CDKAL1: variants seen among roughly 807,000 people sequenced by gnomAD.
The protein encoded by CDKAL1 is CDKAL1 threonylcarbamoyladenosine tRNA methylthiotransferase, also known as threonylcarbamoyladenosine tRNA methylthiotransferase.
In CDKAL1, 32 loss-of-function variants were observed where a neutral mutation model predicts 68.2. The ratio of observed to expected loss-of-function variants is 0.47; its 90% CI spans 0.35 to 0.63. CDKAL1 has a LOEUF of 0.63. Ranked by LOEUF, CDKAL1 falls within the 30% of genes least tolerant of loss-of-function variation. CDKAL1 has a pLI of 0.00. For missense variants in CDKAL1, 606 were observed against 696.7 expected (o/e 0.87, Z 1.47); for synonymous variants, 234 against 244.3 (o/e 0.96, Z 0.39).
At chr6:20,627,241 T>C (rs1442811999) in intron 4 of CDKAL1, among the ~76,000 whole-genome samples, 2 of 152,098 alleles carry the variant, frequency 1.3e-5, no homozygotes, top group African/African-American at 4.8e-5. Context: ...AAGACAAATA[T>C]ATACTTCCAG....
chr6:20,730,823 T>G (rs1581464660), intron 5 of CDKAL1, among the ~76,000 whole-genome samples: 1 of 120,450 alleles, frequency 8.3e-6, no homozygotes, highest in Non-Finnish European at 1.7e-5. Flanking sequence ...CAGCTGGGGC[T>G]AAGAAGCAAG....
chr6:21,205,889 C>T (rs1420992801), intron 15 of CDKAL1, among the ~76,000 whole-genome samples: 4 of 127,798 alleles, frequency 3.1e-5, no homozygotes, highest in South Asian at 2.6e-4. Context: ...GGCTGGAGTG[C>T]AGTGGCGCGA....
intron 5 of CDKAL1, among the ~76,000 whole-genome samples, chr6:20,682,199 G>C (rs1185862569): frequency 6.6e-6 from 1 of 152,152 alleles, no homozygotes; most frequent in Non-Finnish European, 1.5e-5. Context: ...TCTCCCTCAA[G>C]AAACCCTGGT....
intron 9 of CDKAL1, 67 bp downstream of exon 9, chr6:20,846,245 T>C: frequency 1.1e-6 from 1 of 940,062 alleles, no homozygotes; most frequent in Non-Finnish European, 1.6e-6. Context: ...TTCTAAGTAA[T>C]ACTTCAGTTT....
At chr6:20,966,384 A>G (rs1016524491) in intron 10 of CDKAL1, among the ~76,000 whole-genome samples, 1 of 152,336 alleles carries the variant, frequency 6.6e-6, no homozygotes, top group Non-Finnish European at 1.5e-5. Context: ...GATTATTGTT[A>G]TTATAGACTC....
chr6:21,020,338 A>G (rs890951935), intron 11 of CDKAL1, among the ~76,000 whole-genome samples: 9 of 152,162 alleles, frequency 5.9e-5, no homozygotes, highest in African/African-American at 1.9e-4. Flanking sequence ...AGACAGAAAT[A>G]TATGTTGGTT....
intron 12 of CDKAL1, among the ~76,000 whole-genome samples, chr6:21,106,434 G>T (rs2150989138): frequency 2.0e-5 from 3 of 152,264 alleles, no homozygotes; most frequent in Admixed American, 2.0e-4. Context: ...AAAAATAACA[G>T]CCAGGCTTGG....
Position 21,203,434 on chromosome 6 carries a change from C to T in CDKAL1, c.1548+2160C>T, listed in dbSNP as rs555217865. ...TATTTTTAGTAGAGACAGGGTTTCA[C>T]CATGTCGGCCAGGCTGGTCTCGAAC... is the stretch of plus-strand genomic sequence containing the variant. On this transcript the variant is annotated intron_variant, in intron 15 of 15. Transcript: ENST00000274695. Among the ~76,000 whole-genome samples the T allele has an allele frequency of 4.3e-4, 65 of 151,158 alleles. 1 individual carries two copies. Among genetic ancestry groups the T allele is most frequent in the African/African-American group, 1.4e-3 (59 of 41,242 alleles).
chr6:21,170,941 A>G (rs1777357340), intron 13 of CDKAL1, among the ~76,000 whole-genome samples: 1 of 152,196 alleles, frequency 6.6e-6, no homozygotes, highest in Non-Finnish European at 1.5e-5. Flanking sequence ...TGAAAAGTTG[A>G]AGTAATATTG....
chr6:21,205,882 T>TGC (rs1778908751), intron 15 of CDKAL1, among the ~76,000 whole-genome samples: 1 of 131,816 alleles, frequency 7.6e-6, no homozygotes, highest in Admixed American at 8.5e-5. Context: ...TCGCCCAGGC[T>TGC]GGAGTGCAGT....
chr6:20,874,730 G>A (rs191743838), intron 9 of CDKAL1, among the ~76,000 whole-genome samples: 6 of 151,770 alleles, frequency 4.0e-5, no homozygotes, highest in Admixed American at 2.0e-4. Context: ...CTCGAACTCC[G>A]GGCATCAAGT....
chr6:20,784,174 C>A (rs2150379733), intron 8 of CDKAL1, among the ~76,000 whole-genome samples: 1 of 149,694 alleles, frequency 6.7e-6, no homozygotes, highest in South Asian at 2.1e-4. Flanking sequence ...GATCGTGCCA[C>A]TAAACTCCAG....
intron 9 of CDKAL1, among the ~76,000 whole-genome samples, chr6:20,935,137 G>T (rs567991366): frequency 6.6e-6 from 1 of 151,954 alleles, no homozygotes; most frequent in Non-Finnish European, 1.5e-5. Flanking sequence ...CTCAAGATCC[G>T]CCTGCCTTGG....
chr6:20,661,401 G>C (rs1769278245), intron 5 of CDKAL1, among the ~76,000 whole-genome samples: 1 of 152,056 alleles, frequency 6.6e-6, no homozygotes, highest in African/African-American at 2.4e-5. Context: ...TGTAAAGTAG[G>C]GGGTGAGAGT....
Position 20,551,467 on chromosome 6 carries a change from A to G in CDKAL1, c.286+2762A>G, listed in dbSNP as rs144823255. Among the ~76,000 whole-genome samples the G allele has an allele frequency of 3.9e-3, 594 of 150,842 alleles. 3 individuals are homozygous for G. Among genetic ancestry groups the G allele is most frequent in the African/African-American group, 0.014 (561 of 40,968 alleles). On this transcript the variant is annotated intron_variant, in intron 4 of 15. Transcript: ENST00000274695. ...ACTGCAAGCTCCGCCTCCTGGGTTCATGTCGTTCTCCTGCCTCAGCCTCTC... is the reference window on the plus strand; with the variant it reads ...ACTGCAAGCTCCGCCTCCTGGGTTCGTGTCGTTCTCCTGCCTCAGCCTCTC...
intron 12 of CDKAL1, among the ~76,000 whole-genome samples, chr6:21,104,681 A>C (rs1162497205): frequency 2.0e-5 from 3 of 152,200 alleles, no homozygotes; most frequent in Non-Finnish European, 2.9e-5. Context: ...TATAACCTTC[A>C]ATATGCCAAG....
intron 8 of CDKAL1, among the ~76,000 whole-genome samples, chr6:20,827,942 G>A (rs1022163556): frequency 6.6e-6 from 1 of 151,946 alleles, no homozygotes; most frequent in Non-Finnish European, 1.5e-5. Context: ...TCTTTAACCT[G>A]CCAACAGAAT....
chr6:20,746,243 C>T (rs1417085189), intron 6 of CDKAL1, among the ~76,000 whole-genome samples: 2 of 152,128 alleles, frequency 1.3e-5, no homozygotes, highest in African/African-American at 4.8e-5. Context: ...CTGGTACTAC[C>T]ATTCAGGTGA....
chr6:20,910,504 G>T (rs1762421730), intron 9 of CDKAL1, among the ~76,000 whole-genome samples: 1 of 152,202 alleles, frequency 6.6e-6, no homozygotes, highest in South Asian at 2.1e-4. Flanking sequence ...AGAAGTAGCT[G>T]TTCAAATTTG....
Sources: allele counts gnomAD v4.1 joint callset (sites outside exome capture counted in the v4.1 genomes callset), GRCh38; gene constraint gnomAD v4.1.1; transcripts MANE v1.5; gene names NCBI Gene and HGNC (gene_info 2026-07-23, HGNC 2026-07-21).